Variants in OR51B5 observed in about 807,000 individuals in gnomAD.
OR51B5 encodes the protein olfactory receptor 51B5.
For synonymous variants in OR51B5, 186 were observed against 144.8 expected, an observed-to-expected ratio of 1.28 and a Z score of -2.04; for missense variants, 456 against 374.6, an observed-to-expected ratio of 1.22 and a Z score of -1.79.
At chr11:5,422,313 C>G in intron 1 of OR51B5, 1 of 1,614,098 alleles carries the variant, frequency 6.2e-7, no homozygotes, top group Non-Finnish European at 8.5e-7. Context: ...TGTCTCTACA[C>G]CATCTCCATC....
At chr11:5,410,537 G>C (rs1438838544) in intron 1 of OR51B5, among the ~76,000 whole-genome samples, 1 of 152,060 alleles carries the variant, frequency 6.6e-6, no homozygotes, top group Non-Finnish European at 1.5e-5. Flanking sequence ...TATAATGAAA[G>C]TGAAAAATCC....
Position 5,440,631 on chromosome 11 carries a change from C to G in OR51B5, n.84+64938G>C, listed in dbSNP as rs76233016. On this transcript the variant is annotated intron_variant and non_coding_transcript_variant, in intron 1 of 4. Transcript: ENST00000415970. ...TTTGCGGATCTCCTTGGTTTTCACA[C>G]TGTAGATGATAGGGTTGAGCATGGG... 10,149 of 1,613,778 alleles carry G rather than the reference C, an allele frequency of 6.3e-3. 37 individuals are homozygous for G. Among genetic ancestry groups the G allele is most frequent in the Non-Finnish European group, 7.8e-3 (9,145 of 1,179,792 alleles).
At chr11:5,389,468 T>TTCTA in intron 1 of OR51B5, 1 of 1,614,018 alleles carries the variant, frequency 6.2e-7, no homozygotes, top group Non-Finnish European at 8.5e-7. Context: ...TAGCCCCATA[T>TTCTA]TCTATCTCAC....
intron 1 of OR51B5, chr11:5,422,005 G>C (rs913068057): frequency 7.3e-6 from 4 of 547,366 alleles, no homozygotes; most frequent in Non-Finnish European, 6.4e-6. Flanking sequence ...AGCTGTGTGG[G>C]AGCAGTCTGC....
intron 1 of OR51B5, among the ~76,000 whole-genome samples, chr11:5,461,247 G>A (rs1475383556): frequency 6.6e-6 from 1 of 152,156 alleles, no homozygotes; most frequent in Non-Finnish European, 1.5e-5. Flanking sequence ...ATGTTGAGAG[G>A]CTGCAGGCCA....
chr11:5,411,492 A>C (rs888449324), intron 1 of OR51B5, among the ~76,000 whole-genome samples: 6 of 152,202 alleles, frequency 3.9e-5, no homozygotes, highest in African/African-American at 1.4e-4. Flanking sequence ...TGTATTTCTA[A>C]TAATACATTA....
chr11:5,382,151 T>G (rs1849617812), intron 1 of OR51B5, among the ~76,000 whole-genome samples: 1 of 152,218 alleles, frequency 6.6e-6, no homozygotes, highest in Admixed American at 6.5e-5. Context: ...GTCTTGCCCC[T>G]GCCTACCTCT....
chr11:5,452,220 AGGGGCC>A (rs1365443195), intron 1 of OR51B5, among the ~76,000 whole-genome samples: 1 of 152,082 alleles, frequency 6.6e-6, no homozygotes, highest in East Asian at 1.9e-4. Flanking sequence ...AAAGATCAAG[AGGGGCC>A]GGGCACGGTG....
intron 1 of OR51B5, among the ~76,000 whole-genome samples, chr11:5,389,152 A>G (rs1188903158): frequency 6.6e-6 from 1 of 152,220 alleles, no homozygotes; most frequent in Non-Finnish European, 1.5e-5. Flanking sequence ...GGGTTGAGCA[A>G]TAAAGGCACA....
rs566221929 is a variant in OR51B5, at chr11:5,431,139, C to T, written n.84+74430G>A. On this transcript the variant is annotated intron_variant and non_coding_transcript_variant, in intron 1 of 4. Coordinates refer to the OR51B5 transcript ENST00000415970. ...GGATTGGAAGTGGGGCCATGAGTGC[C>T]ACACTCTTCAGTGTAATGCCCAGAC... The T allele has an allele frequency of 2.3e-3, 915 of 403,796 alleles. 23 individuals are homozygous for T. Among genetic ancestry groups the T allele is most frequent in the South Asian group, 0.016 (883 of 54,088 alleles). The allele number at this position is 403,796 out of a possible 1,614,324, so 25.0% of individuals were successfully genotyped here. A position where few individuals can be genotyped will look rare whatever the true frequency, so the allele number is the denominator to read the frequency against.
intron 1 of OR51B5, among the ~76,000 whole-genome samples, chr11:5,470,749 T>C (rs1326899152): frequency 1.3e-5 from 2 of 152,164 alleles, no homozygotes; most frequent in Non-Finnish European, 2.9e-5. Flanking sequence ...TATTTACAAG[T>C]CTATTAATCC....
rs946611146 is a variant in OR51B5 at position 5,389,258 on chromosome 11, T to C, written n.85-42348A>G. 11 of 817,228 alleles carry C rather than the reference T, an allele frequency of 1.3e-5. No homozygotes were observed. In the African/African-American group the frequency reaches 1.4e-4, roughly 10 times the overall value. 50.6% of individuals were successfully genotyped at this position (817,228 alleles called of 1,614,324 possible). A position where few individuals can be genotyped will look rare whatever the true frequency, so the allele number is the denominator to read the frequency against. On this transcript the variant is annotated intron_variant and non_coding_transcript_variant, in intron 1 of 4. Transcript: ENST00000415970. ...AAGAAAGTTCAATAAAGTAGTGAGATTGGCAGAATTCATAAGGGTGGAGTA... is the reference window on the plus strand; with the variant it reads ...AAGAAAGTTCAATAAAGTAGTGAGACTGGCAGAATTCATAAGGGTGGAGTA...
intron 1 of OR51B5, chr11:5,455,873 C>A (rs1850951750): frequency 6.6e-6 from 1 of 152,044 alleles, no homozygotes; most frequent in Admixed American, 6.5e-5. Flanking sequence ...TGTCCTGGCC[C>A]ACTAAATAGA....
At chr11:5,439,099 CCTCTCTCT>C (rs35645484) in intron 1 of OR51B5, among the ~76,000 whole-genome samples, 1 of 149,970 alleles carries the variant, frequency 6.7e-6, no homozygotes, top group Admixed American at 6.7e-5. Flanking sequence ...TCTCTCTCGT[CCTCTCTCT>C]CTCTCTCTCT....
intron 1 of OR51B5, among the ~76,000 whole-genome samples, chr11:5,378,632 C>T (rs182697507): frequency 2.8e-4 from 42 of 152,200 alleles, no homozygotes; most frequent in African/African-American, 9.9e-4. Context: ...ACAAACAGCC[C>T]CATCAACAAG....
intron 1 of OR51B5, among the ~76,000 whole-genome samples, chr11:5,353,418 G>C (rs899337128): frequency 6.6e-6 from 1 of 152,140 alleles, no homozygotes; most frequent in Non-Finnish European, 1.5e-5. Context: ...GACTAGATAG[G>C]GGTGTCTGGC....
chr11:5,434,610 G>GT (rs1364136138), intron 1 of OR51B5, among the ~76,000 whole-genome samples: 1 of 152,182 alleles, frequency 6.6e-6, no homozygotes, highest in African/African-American at 2.4e-5. Flanking sequence ...TCAGCAGGAA[G>GT]TAAGAATCAA....
Position 5,480,766 on chromosome 11 carries a change from GAT to G in OR51B5, n.84+24801_84+24802del, listed in dbSNP as rs1166577054. On this transcript the variant is annotated intron_variant and non_coding_transcript_variant, in intron 1 of 4. Coordinates refer to the OR51B5 transcript ENST00000415970. ...TAAACTAGAAAATCTAGAAGAAGTG[GAT>G]AAATTCCTTGACACATACACTCTCC... Among the ~76,000 whole-genome samples the G allele has an allele frequency of 2.7e-5, 4 of 147,646 alleles. No homozygotes were observed. In the East Asian group the frequency reaches 7.9e-4, roughly 29 times the overall value.
chr11:5,431,990 C>T (rs1405051546), intron 1 of OR51B5, among the ~76,000 whole-genome samples: 1 of 152,170 alleles, frequency 6.6e-6, no homozygotes, highest in Non-Finnish European at 1.5e-5. Context: ...TTAGGATATT[C>T]ATCACCTTGA....
Sources: gnomAD v4.1 joint callset for allele counts (sites outside exome capture counted in the v4.1 genomes callset) on GRCh38, gnomAD v4.1.1 for gene constraint, MANE v1.5 for transcripts, NCBI Gene and HGNC (gene_info 2026-07-23, HGNC 2026-07-21) for gene names.